The following SASH1 variants were observed in gnomAD, a reference collection of about 807,000 sequenced individuals.
The protein encoded by SASH1 is SAM and SH3 domain containing 1.
SASH1 carries 44 observed loss-of-function variants against 125.2 expected under a neutral mutation model. That is an observed-to-expected ratio of 0.35 (90% confidence interval 0.28 to 0.45). The LOEUF is 0.45. SASH1 is among the 20% of genes least tolerant of loss of function. SASH1 has a pLI of 1.00. For missense variants in SASH1, 1,426 were observed against 1,614.5 expected, an observed-to-expected ratio of 0.88 and a Z score of 2.00; for synonymous variants, 639 against 649.1, an observed-to-expected ratio of 0.98 and a Z score of 0.24.
the SASH1 span, among the ~76,000 whole-genome samples, chr6:148,259,578 G>A: frequency 2.0e-5 from 3 of 152,136 alleles, no homozygotes; most frequent in African/African-American, 7.2e-5. Flanking sequence ...TGGGTGCCCC[G>A]GGAAGGCAGG....
chr6:148,240,941 C>G, the SASH1 span, among the ~76,000 whole-genome samples: 1 of 152,094 alleles, frequency 6.6e-6, no homozygotes, highest in South Asian at 2.1e-4. Context: ...TTTAATTTCC[C>G]ACATCATTAT....
intron 1 of SASH1, among the ~76,000 whole-genome samples, chr6:148,325,124 G>A (rs1020117752): frequency 1.3e-5 from 2 of 152,134 alleles, no homozygotes; most frequent in African/African-American, 2.4e-5. Context: ...AAGAAAAGAG[G>A]TTTAACTGGC....
chr6:148,483,276 A>G (rs1387745921), intron 7 of SASH1, among the ~76,000 whole-genome samples: 3 of 152,020 alleles, frequency 2.0e-5, no homozygotes, highest in Non-Finnish European at 2.9e-5. Context: ...GCTCTTTTAT[A>G]ACAGCTGCTA....
chr6:148,323,169 C>G (rs1780698459), intron 1 of SASH1, among the ~76,000 whole-genome samples: 1 of 152,004 alleles, frequency 6.6e-6, no homozygotes, highest in Admixed American at 6.6e-5. Context: ...ACCACCATGC[C>G]CAGCTAATTT....
chr6:148,472,017 G>A (rs1778144686), intron 6 of SASH1, among the ~76,000 whole-genome samples: 1 of 152,202 alleles, frequency 6.6e-6, no homozygotes, highest in Non-Finnish European at 1.5e-5. Context: ...AGGGAGTTCT[G>A]CCCTACTCTT....
At chr6:148,429,453 C>T (rs1371799913) in intron 2 of SASH1, among the ~76,000 whole-genome samples, 2 of 145,230 alleles carry the variant, frequency 1.4e-5, no homozygotes, top group African/African-American at 5.1e-5. Context: ...CAAAGTGATC[C>T]AATTTAAACA....
intron 2 of SASH1, among the ~76,000 whole-genome samples, chr6:148,392,503 C>T (rs1450720269): frequency 6.6e-6 from 1 of 152,174 alleles, no homozygotes; most frequent in Non-Finnish European, 1.5e-5. Context: ...ACAAGGGACT[C>T]AGCAAGTGGT....
chr6:148,391,288 T>A (rs575234295), intron 2 of SASH1, among the ~76,000 whole-genome samples: 1 of 152,128 alleles, frequency 6.6e-6, no homozygotes, highest in Non-Finnish European at 1.5e-5. Flanking sequence ...TTTGTATTTT[T>A]AGTAGAGACG....
At chr6:148,237,837 C>G in the SASH1 span, among the ~76,000 whole-genome samples, 1 of 152,174 alleles carries the variant, frequency 6.6e-6, no homozygotes, top group Non-Finnish European at 1.5e-5. Context: ...AATACCTGGC[C>G]CTCCATTTTC....
At chr6:148,465,026 T>C (rs1254650551) in intron 4 of SASH1, among the ~76,000 whole-genome samples, 1 of 152,222 alleles carries the variant, frequency 6.6e-6, no homozygotes, top group East Asian at 1.9e-4. Flanking sequence ...TTGAAGACAG[T>C]AGATTAAAAA....
chr6:148,363,909 T>C (rs749029002), intron 1 of SASH1, among the ~76,000 whole-genome samples: 24 of 152,046 alleles, frequency 1.6e-4, no homozygotes, highest in Non-Finnish European at 1.8e-4. Context: ...TCCCTGTGGA[T>C]TCTATAATGG....
At chr6:148,527,341 G>T in intron 11 of SASH1, 112 bp from the exon 12 acceptor site, 1 of 933,238 alleles carries the variant, frequency 1.1e-6, no homozygotes, top group Non-Finnish European at 1.5e-6. Flanking sequence ...AAAACGTCAA[G>T]ATCCATGAGG....
intron 1 of SASH1, among the ~76,000 whole-genome samples, chr6:148,355,843 GTTTTA>G (rs1781909105): frequency 6.6e-6 from 1 of 152,038 alleles, no homozygotes; most frequent in South Asian, 2.1e-4. Flanking sequence ...ATGCTGATTG[GTTTTA>G]TTTTATTTTA....
chr6:148,532,001 TTA>T lies in SASH1; in HGVS notation c.1564+344_1564+345del, dbSNP rs1285370671. 6.6e-6 allele frequency among the ~76,000 whole-genome samples: 1 copy of T among 152,106 alleles called. No homozygotes were observed. Among genetic ancestry groups the T allele is most frequent in the Non-Finnish European group, 1.5e-5 (1 of 68,018 alleles). ...AGGGAGTGGGGAAGGGAGGGGAATT[TTA>T]TATGTGACTGATAAATTCGGGCCAA... On this transcript the variant is annotated intron_variant, in intron 13 of 19. Coordinates refer to ENST00000367467, the MANE Select transcript of SASH1 (RefSeq NM_015278.5). This position sits in a 1 kb window ranked among gnomAD's most constrained non-coding sequence, Gnocchi z 4.7.
At chr6:148,485,089 G>A (rs1778786776) in intron 7 of SASH1, among the ~76,000 whole-genome samples, 1 of 152,072 alleles carries the variant, frequency 6.6e-6, no homozygotes, top group South Asian at 2.1e-4. Context: ...CGTCATATAT[G>A]ATTGACTAGT....
At chr6:148,322,865 A>ACC (rs1554234510) in intron 1 of SASH1, among the ~76,000 whole-genome samples, 2 of 143,126 alleles carry the variant, frequency 1.4e-5, no homozygotes, top group Admixed American at 7.3e-5. Flanking sequence ...CATCCAAATC[A>ACC]TCTTTCTTTC....
intron 4 of SASH1, among the ~76,000 whole-genome samples, chr6:148,459,753 G>A (rs891845330): frequency 6.6e-6 from 1 of 152,116 alleles, no homozygotes; most frequent in Non-Finnish European, 1.5e-5. Flanking sequence ...TTAGTGCTTA[G>A]CATGTGCAGG....
chr6:148,443,437 A>T (rs1172618475), intron 4 of SASH1, among the ~76,000 whole-genome samples: 1 of 147,422 alleles, frequency 6.8e-6, no homozygotes. Context: ...TGTAGTGAAT[A>T]TATATATAAT....
At chr6:148,212,993 C>A in the SASH1 span, among the ~76,000 whole-genome samples, 6,478 of 152,220 alleles carry the variant, frequency 0.043, 192 homozygotes, top group East Asian at 0.11. Context: ...CTGGTAAGAA[C>A]AAGATAGCTT....
Sources: gnomAD v4.1 joint callset for allele counts (sites outside exome capture counted in the v4.1 genomes callset) on GRCh38, gnomAD v4.1.1 for gene constraint, Gnocchi (gnomAD v3.1) non-coding constraint, MANE v1.5 for transcripts, NCBI Gene and HGNC (gene_info 2026-07-23, HGNC 2026-07-21) for gene names.